Variants in TANC2 observed in about 807,000 individuals in gnomAD.
TANC2 encodes tetratricopeptide repeat, ankyrin repeat and coiled-coil containing 2, also known as protein TANC2.
A neutral mutation model predicts 210.5 loss-of-function variants in TANC2; 26 were observed. The observed-to-expected ratio is 0.12, with a 90% CI of 0.09 to 0.17. The LOEUF is 0.17. Among genes scored for constraint, TANC2 ranks in the 10% least tolerant of loss-of-function variants. The pLI is 1.00. For synonymous variants in TANC2, 931 were observed against 967.1 expected (o/e 0.96, Z 0.69); for missense variants, 2,129 against 2,608.9 (o/e 0.82, Z 4.01).
chr17:63,190,450 C>T (rs569418939), intron 5 of TANC2, among the ~76,000 whole-genome samples: 1 of 152,204 alleles, frequency 6.6e-6, no homozygotes, highest in Non-Finnish European at 1.5e-5. Flanking sequence ...ATTAATGTTG[C>T]GTTGTAATAA....
chr17:62,991,248 A>G (rs1348429832), intron 1 of TANC2, among the ~76,000 whole-genome samples: 2 of 152,134 alleles, frequency 1.3e-5, no homozygotes, highest in East Asian at 3.8e-4. Flanking sequence ...AATTTTATGC[A>G]TGTTTTATGC....
intron 8 of TANC2, among the ~76,000 whole-genome samples, chr17:63,243,146 A>G (rs2042821009): frequency 1.3e-5 from 2 of 152,190 alleles, no homozygotes; most frequent in African/African-American, 4.8e-5. Flanking sequence ...ACAATTCTTG[A>G]CAGTGAGATA....
chr17:63,201,009 ATAAT>A, intron 7 of TANC2, 52 bp downstream of exon 7: 1 of 1,497,436 alleles, frequency 6.7e-7, no homozygotes, highest in Non-Finnish European at 9.1e-7. Flanking sequence ...CCTTTTTAAA[ATAAT>A]TACACAAGCT....
chr17:63,352,786 T>C (rs1439840020), intron 13 of TANC2, among the ~76,000 whole-genome samples: 1 of 152,202 alleles, frequency 6.6e-6, no homozygotes, highest in Non-Finnish European at 1.5e-5. Flanking sequence ...CATTTATATT[T>C]GATCATCATT....
At chr17:62,974,276 T>C (rs1472120790) in intron 1 of TANC2, among the ~76,000 whole-genome samples, 1 of 152,224 alleles carries the variant, frequency 6.6e-6, no homozygotes, top group Non-Finnish European at 1.5e-5. Flanking sequence ...TCTCACAAAG[T>C]GTGTTTCAAG....
intron 5 of TANC2, among the ~76,000 whole-genome samples, chr17:63,183,784 G>A (rs1244704365): frequency 1.3e-5 from 2 of 152,170 alleles, no homozygotes; most frequent in African/African-American, 4.8e-5. Context: ...TTGGGAGGCC[G>A]AGGTGGGCGG....
chr17:63,330,201 A>G (rs1307565746), intron 11 of TANC2, among the ~76,000 whole-genome samples: 1 of 152,186 alleles, frequency 6.6e-6, no homozygotes, highest in Non-Finnish European at 1.5e-5. Context: ...AGAGGTGAGG[A>G]AGCTTCAGAA....
chr17:63,421,482 C>A lies in TANC2; in HGVS notation c.5752C>A (p.Pro1918Thr), dbSNP rs1286037648. 1 of 1,613,958 alleles carries A rather than the reference C, an allele frequency of 6.2e-7. No individual in the cohort carries two copies. Among genetic ancestry groups the A allele is most frequent in the Non-Finnish European group, 8.5e-7 (1 of 1,179,888 alleles). ...AGTGTCTCCAACTCAAGGAGGTTACCCCAGTGAGCCCACCCGATCCAGGAC... is the reference window on the plus strand; with the variant it reads ...AGTGTCTCCAACTCAAGGAGGTTACACCAGTGAGCCCACCCGATCCAGGAC... The change falls in exon 28 of 28, where the codon CCC becomes ACC. Residue 1918 changes from proline (P) to threonine (T), a missense_variant. Around this residue, in one of 5 missense-constraint regions of TANC2, gnomAD observed 584 missense variants for 627.3 expected, o/e 0.93. Transcript: ENST00000689528. This position sits in a 1 kb window ranked among gnomAD's most constrained non-coding sequence, Gnocchi z 6.9.
chr17:63,311,177 A>G (rs375386539), intron 9 of TANC2, among the ~76,000 whole-genome samples: 13 of 152,278 alleles, frequency 8.5e-5, no homozygotes, highest in African/African-American at 3.1e-4. Context: ...AGTAAAGGCT[A>G]TTTCATTGTT....
chr17:63,332,333 C>T (rs2045885559), intron 11 of TANC2: 3 of 310,732 alleles, frequency 9.7e-6, no homozygotes, highest in Middle Eastern at 7.3e-4. Flanking sequence ...TTACTAATTC[C>T]ACTTCTTGAT....
At chr17:63,092,701 A>G (rs2037244552) in intron 3 of TANC2, among the ~76,000 whole-genome samples, 1 of 151,954 alleles carries the variant, frequency 6.6e-6, no homozygotes, top group Non-Finnish European at 1.5e-5. Context: ...GAGGTGATAC[A>G]TACTTTTAAA....
chr17:63,106,521 A>C (rs1018010078), intron 4 of TANC2, among the ~76,000 whole-genome samples: 1 of 151,604 alleles, frequency 6.6e-6, no homozygotes, highest in Non-Finnish European at 1.5e-5. Context: ...TATCAAGGGT[A>C]GGGGGATTCT....
intron 11 of TANC2, among the ~76,000 whole-genome samples, chr17:63,325,527 T>C (rs1471047568): frequency 6.6e-6 from 1 of 152,226 alleles, no homozygotes; most frequent in African/African-American, 2.4e-5. Flanking sequence ...ATGTTTCCTC[T>C]CTTCTATCAC....
At chr17:63,008,056 A>G (rs1016200056) in intron 1 of TANC2, among the ~76,000 whole-genome samples, 2 of 143,064 alleles carry the variant, frequency 1.4e-5, no homozygotes, top group African/African-American at 5.2e-5. Flanking sequence ...TGTTGAAAGT[A>G]TCTTTCAGTC....
intron 1 of TANC2, among the ~76,000 whole-genome samples, chr17:62,995,522 C>T (rs2033065321): frequency 6.6e-6 from 1 of 152,148 alleles, no homozygotes; most frequent in Non-Finnish European, 1.5e-5. Flanking sequence ...CACCAGATGG[C>T]CCTGGCAGTT....
intron 1 of TANC2, among the ~76,000 whole-genome samples, chr17:62,987,174 G>A (rs2032611994): frequency 6.6e-6 from 1 of 152,180 alleles, no homozygotes; most frequent in African/African-American, 2.4e-5. Context: ...GGCTATAAGT[G>A]AGAGCAGTGG....
chr17:63,079,230 C>A (rs549722527), intron 3 of TANC2, among the ~76,000 whole-genome samples: 97 of 152,342 alleles, frequency 6.4e-4, no homozygotes, highest in African/African-American at 2.2e-3. Context: ...TTCCCACTTT[C>A]TAACCAGAAA....
intron 2 of TANC2, among the ~76,000 whole-genome samples, chr17:63,045,362 T>C (rs928752022): frequency 6.6e-6 from 1 of 152,234 alleles, no homozygotes. Context: ...CTTAAAACGT[T>C]CCCTTTGGTT....
intron 6 of TANC2, among the ~76,000 whole-genome samples, chr17:63,195,907 C>T (rs548996046): frequency 1.3e-5 from 2 of 152,266 alleles, no homozygotes; most frequent in East Asian, 1.9e-4. Context: ...CTTTCACGCA[C>T]GGCTCTCCAG....
Sources: allele counts gnomAD v4.1 joint callset (sites outside exome capture counted in the v4.1 genomes callset), GRCh38; gene constraint gnomAD v4.1.1; regional missense constraint gnomAD v4.1.1; non-coding constraint Gnocchi (gnomAD v3.1); transcripts MANE v1.5; gene names NCBI Gene and HGNC (gene_info 2026-07-23, HGNC 2026-07-21).